Variants in PRKD1 observed in about 807,000 individuals in gnomAD.
PRKD1 encodes the protein protein kinase D1.
A neutral mutation model predicts 95.9 loss-of-function variants in PRKD1; 63 were observed. The ratio of observed to expected loss-of-function variants is 0.66; its 90% CI spans 0.54 to 0.81. The LOEUF (loss-of-function observed/expected upper bound fraction) is 0.81. PRKD1 is among the 30% of genes least tolerant of loss of function. The pLI is 0.00. For synonymous variants in PRKD1, 425 were observed against 423.1 expected (o/e 1.00, Z -0.05); for missense variants, 1,048 against 1,165.3 (o/e 0.90, Z 1.47).
intron 1 of PRKD1, among the ~76,000 whole-genome samples, chr14:29,780,804 A>T (rs1426184608): frequency 6.6e-6 from 1 of 152,168 alleles, no homozygotes; most frequent in African/African-American, 2.4e-5. Flanking sequence ...TACCCAAAGG[A>T]TTATAAATCA....
chr14:29,846,332 G>C (rs916248872), intron 1 of PRKD1, among the ~76,000 whole-genome samples: 2 of 152,186 alleles, frequency 1.3e-5, no homozygotes, highest in East Asian at 3.9e-4. Flanking sequence ...AAGGGAAGGA[G>C]GGAGTATTTT....
chr14:29,594,831 A>C (rs533465624), intron 16 of PRKD1, among the ~76,000 whole-genome samples: 1 of 152,278 alleles, frequency 6.6e-6, no homozygotes, highest in East Asian at 1.9e-4. Context: ...AACTCCATTA[A>C]AACTTCTAAT....
Position 29,577,320 on chromosome 14 carries a change from T to C in PRKD1, c.2657A>G (p.Asn886Ser), listed in dbSNP as rs45585836. The change falls in exon 18 of 18, where the codon AAT becomes AGT. Residue 886 changes from asparagine (N) to serine (S), a missense_variant. This residue lies in a region of PRKD1 where 739 missense variants were observed against 861.9 expected (regional missense o/e 0.86). Transcript: ENST00000331968. ...AGTGTCACTGTGGCTAGCACTTGGA[T>C]TGATCAGGTGTGTGGGGTACTGCAG... Reference protein sequence around the residue: ...QGLQYPTHLINPSASHSDTPE... With the variant: ...QGLQYPTHLISPSASHSDTPE... The C allele has an allele frequency of 1.1e-3, 1,740 of 1,613,856 alleles. 19 individuals are homozygous for C. In the African/African-American group the frequency reaches 0.019, roughly 17 times the overall value.
intron 1 of PRKD1, among the ~76,000 whole-genome samples, chr14:29,767,171 A>G (rs1412093080): frequency 1.3e-5 from 2 of 152,096 alleles, no homozygotes; most frequent in South Asian, 2.1e-4. Flanking sequence ...ACCTGTCCAG[A>G]TTGTCTGCTC....
intron 16 of PRKD1, among the ~76,000 whole-genome samples, chr14:29,597,225 T>C (rs1893339157): frequency 6.6e-6 from 1 of 152,278 alleles, no homozygotes; most frequent in Middle Eastern, 3.4e-3. Context: ...TACTATTATA[T>C]TAAGGTATAA....
intron 13 of PRKD1, among the ~76,000 whole-genome samples, chr14:29,619,134 T>A (rs1879072801): frequency 6.6e-6 from 1 of 152,198 alleles, no homozygotes; most frequent in Non-Finnish European, 1.5e-5. Flanking sequence ...AAAGAAAATC[T>A]TCCTCTCCAT....
At position 29,770,114 on chromosome 14, in the gene PRKD1, C is replaced by T. The variant is rs555486501; in HGVS notation, c.265-44440G>A. Among the ~76,000 whole-genome samples, 51 of 152,298 alleles carry T rather than the reference C, an allele frequency of 3.3e-4. 1 individual carries two copies. Among genetic ancestry groups the T allele is most frequent in the Middle Eastern group, 6.8e-3 (2 of 294 alleles). Reference sequence around the variant, plus strand: ...TATGAAGCAGAGAACAAGCCTTCACCACACACTGAATCTGTCAACACCCTT... The same window carrying T: ...TATGAAGCAGAGAACAAGCCTTCACTACACACTGAATCTGTCAACACCCTT... On this transcript the variant is annotated intron_variant, in intron 1 of 17. Transcript: ENST00000331968.
chr14:29,770,709 G>T (rs1296545499), intron 1 of PRKD1, among the ~76,000 whole-genome samples: 1 of 152,140 alleles, frequency 6.6e-6, no homozygotes, highest in Non-Finnish European at 1.5e-5. Context: ...ACTCACACCT[G>T]TAATCCCAGC....
At chr14:29,816,530 T>C (rs1298506648) in intron 1 of PRKD1, among the ~76,000 whole-genome samples, 2 of 151,958 alleles carry the variant, frequency 1.3e-5, no homozygotes, top group Admixed American at 1.3e-4. Flanking sequence ...AACTGGAGAG[T>C]TATTTGCTTT....
chr14:29,850,722 A>C (rs1892276056), intron 1 of PRKD1, among the ~76,000 whole-genome samples: 1 of 152,078 alleles, frequency 6.6e-6, no homozygotes. Context: ...ATTAAAAAAA[A>C]CCTATTCTAA....
rs373603261 is a variant in PRKD1 at position 29,924,229 on chromosome 14, G to C, written c.264+3020C>G. On this transcript the variant is annotated intron_variant, in intron 1 of 17. Transcript: ENST00000331968. ...AAGACTAGATTTTTCACCTAAACTA[G>C]AAGATGAAAGAAATAATTCTTTACT... 9.2e-5 allele frequency among the ~76,000 whole-genome samples: 14 copies of C among 152,198 alleles called. 3 individuals carry two copies. The highest frequency in any genetic ancestry group is 3.4e-4 in the African/African-American group (14 of 41,550).
At chr14:29,785,484 T>C (rs1216447350) in intron 1 of PRKD1, among the ~76,000 whole-genome samples, 1 of 152,170 alleles carries the variant, frequency 6.6e-6, no homozygotes, top group Non-Finnish European at 1.5e-5. Flanking sequence ...GGTTTGTCTA[T>C]ATATAAGATC....
At chr14:29,632,674 T>C (rs1880089442) in intron 9 of PRKD1, among the ~76,000 whole-genome samples, 195 bp downstream of exon 9, 1 of 151,990 alleles carries the variant, frequency 6.6e-6, no homozygotes, top group Non-Finnish European at 1.5e-5. Context: ...AAATTTAAAA[T>C]TCACAGAAGA....
At chr14:29,787,992 T>C (rs1889351236) in intron 1 of PRKD1, among the ~76,000 whole-genome samples, 1 of 152,168 alleles carries the variant, frequency 6.6e-6, no homozygotes, top group Non-Finnish European at 1.5e-5. Flanking sequence ...TCTTTCTCAT[T>C]TGTGTATCTG....
chr14:29,747,734 T>TA (rs1360970578), intron 1 of PRKD1, among the ~76,000 whole-genome samples: 1 of 152,178 alleles, frequency 6.6e-6, no homozygotes, highest in African/African-American at 2.4e-5. Context: ...TTCCTTTTTT[T>TA]ACTTTATTAA....
chr14:29,812,248 G>A (rs559754327), intron 1 of PRKD1, among the ~76,000 whole-genome samples: 24 of 152,186 alleles, frequency 1.6e-4, no homozygotes, highest in East Asian at 5.8e-4. Flanking sequence ...AAGAAAGACC[G>A]AAGCCCTATT....
At chr14:29,583,677 G>A (rs1297093519) in intron 16 of PRKD1, among the ~76,000 whole-genome samples, 3 of 149,636 alleles carry the variant, frequency 2.0e-5, no homozygotes, top group African/African-American at 7.3e-5. Context: ...CGGGCATGTG[G>A]GAAGTCTTTT....
intron 3 of PRKD1, 72 bp from the exon 4 acceptor site, chr14:29,663,931 T>C: frequency 6.9e-7 from 1 of 1,449,428 alleles, no homozygotes; most frequent in Non-Finnish European, 9.5e-7. Flanking sequence ...TAGTGTAAAG[T>C]AGAAATTTAA....
intron 1 of PRKD1, among the ~76,000 whole-genome samples, chr14:29,838,279 T>TA (rs45493496): frequency 4.6e-5 from 7 of 151,978 alleles, no homozygotes; most frequent in Non-Finnish European, 8.8e-5. Context: ...CTTTTTTAAT[T>TA]AAAAAAATAC....
Sources: gnomAD v4.1 joint callset for allele counts (sites outside exome capture counted in the v4.1 genomes callset) on GRCh38, gnomAD v4.1.1 for gene constraint, gnomAD v4.1.1 regional missense constraint, MANE v1.5 for transcripts, NCBI Gene and HGNC (gene_info 2026-07-23, HGNC 2026-07-21) for gene names.